C10orf90: variants seen among roughly 807,000 people sequenced by gnomAD.
The protein encoded by C10orf90 is chromosome 10 open reading frame 90, also known as (E2-independent) E3 ubiquitin-conjugating enzyme FATS.
In C10orf90, 56 loss-of-function variants were observed where a neutral mutation model predicts 62.5. The observed-to-expected ratio is 0.90, with a 90% CI of 0.72 to 1.12. The LOEUF is 1.12. Ranked by LOEUF, C10orf90 falls within the 50% of genes most tolerant of loss-of-function variation. The pLI is 0.00. For synonymous variants in C10orf90, 386 were observed against 340.4 expected (o/e 1.13, Z -1.47); for missense variants, 970 against 880.4 (o/e 1.10, Z -1.29).
intron 2 of C10orf90, among the ~76,000 whole-genome samples, chr10:126,579,070 TTA>T (rs762973666): frequency 9.8e-4 from 146 of 149,358 alleles, no homozygotes; most frequent in South Asian, 5.9e-3. Flanking sequence ...AAGTTTTTTT[TTA>T]AAAAAAAAAA....
chr10:126,666,301 C>T (rs897932611), intron 1 of C10orf90, among the ~76,000 whole-genome samples: 4 of 152,006 alleles, frequency 2.6e-5, no homozygotes, highest in Non-Finnish European at 4.4e-5. Flanking sequence ...CCAAACAAAT[C>T]GAAAAAATAA....
chr10:126,477,316 A>T (rs1309283496), intron 4 of C10orf90, among the ~76,000 whole-genome samples: 1 of 149,854 alleles, frequency 6.7e-6, no homozygotes, highest in African/African-American at 2.5e-5. Flanking sequence ...AGAACATGAA[A>T]AAAAAAAAAG....
At chr10:126,576,239 T>A (rs796094164) in intron 2 of C10orf90, among the ~76,000 whole-genome samples, 9 of 151,928 alleles carry the variant, frequency 5.9e-5, no homozygotes, top group African/African-American at 2.2e-4. Flanking sequence ...AAAAACCCAA[T>A]TTGATTTAAA....
In C10orf90 at chr10:126,453,574, C is replaced by T. The variant is rs567852291; in HGVS notation, c.2188+5466G>A. Among the ~76,000 whole-genome samples the T allele has an allele frequency of 1.8e-4, 28 of 152,230 alleles. No individual in the cohort carries two copies. Among genetic ancestry groups the T allele is most frequent in the Middle Eastern group, 3.4e-3 (1 of 294 alleles). ...AGCCATGGAAGAGGACCCGGACAGG[C>T]GTCCTCAGAGGGGGAAATGAGCTGA... is the stretch of plus-strand genomic sequence containing the variant. On this transcript the variant is annotated intron_variant, in intron 7 of 9. Transcript: ENST00000488181. The surrounding 1 kb of genome is among the most constrained non-coding windows in gnomAD (Gnocchi z 4.9).
chr10:126,494,907 C>G (rs1463199349), intron 4 of C10orf90, among the ~76,000 whole-genome samples: 2 of 152,232 alleles, frequency 1.3e-5, no homozygotes, highest in Admixed American at 6.5e-5. Context: ...GCCCTTCAGG[C>G]CCTCATAGGG....
chr10:126,545,416 C>A (rs1034219834), intron 2 of C10orf90, among the ~76,000 whole-genome samples: 3 of 152,062 alleles, frequency 2.0e-5, no homozygotes, highest in African/African-American at 7.2e-5. Context: ...CCTGCACTGT[C>A]TGGCCAAGTG....
chr10:126,562,598 C>A (rs1475251443), intron 2 of C10orf90, among the ~76,000 whole-genome samples: 1 of 152,208 alleles, frequency 6.6e-6, no homozygotes, highest in Non-Finnish European at 1.5e-5. Flanking sequence ...AATCTGCAGA[C>A]GCTCAATGAG....
chr10:126,590,523 A>AT (rs1244359996), intron 2 of C10orf90, among the ~76,000 whole-genome samples: 4 of 152,210 alleles, frequency 2.6e-5, no homozygotes, highest in Non-Finnish European at 4.4e-5. Context: ...AGAACTTAAT[A>AT]TTAAGAATCT....
chr10:126,428,870 G>T (rs12146325), intron 8 of C10orf90, among the ~76,000 whole-genome samples: 26,273 of 152,046 alleles, frequency 0.17, 2,506 homozygotes, highest in South Asian at 0.23. Flanking sequence ...TCTTTAATGG[G>T]ACGGTCTCCC....
At chr10:126,618,775 T>G (rs1845590106) in intron 2 of C10orf90, among the ~76,000 whole-genome samples, 1 of 152,220 alleles carries the variant, frequency 6.6e-6, no homozygotes, top group Admixed American at 6.5e-5. Flanking sequence ...CTTCCACTCC[T>G]CGTTCCCATC....
At chr10:126,665,052 G>A (rs1368473346) in intron 1 of C10orf90, among the ~76,000 whole-genome samples, 1 of 152,202 alleles carries the variant, frequency 6.6e-6, no homozygotes, top group Non-Finnish European at 1.5e-5. Context: ...AGGAGCCCCA[G>A]CACCCACCAG....
intron 2 of C10orf90, among the ~76,000 whole-genome samples, chr10:126,593,930 G>C (rs1391870937): frequency 6.6e-6 from 1 of 151,936 alleles, no homozygotes; most frequent in East Asian, 1.9e-4. Context: ...GGGCAGGAAA[G>C]ACTGAAGATG....
At chr10:126,509,593 A>T (rs1862973029) in intron 3 of C10orf90, among the ~76,000 whole-genome samples, 1 of 152,214 alleles carries the variant, frequency 6.6e-6, no homozygotes, top group Non-Finnish European at 1.5e-5. Flanking sequence ...GTCACGGTCA[A>T]ACTCTTTAAC....
chr10:126,438,482 C>T (rs1354524973), intron 7 of C10orf90, among the ~76,000 whole-genome samples: 1 of 151,966 alleles, frequency 6.6e-6, no homozygotes, highest in Non-Finnish European at 1.5e-5. Context: ...TTCTGTAGGA[C>T]TTATCAGTGC....
At chr10:126,502,845 T>C (rs1482425767) in intron 4 of C10orf90, 1 of 523,162 alleles carries the variant, frequency 1.9e-6, no homozygotes, top group Non-Finnish European at 3.9e-6. Context: ...CTGTAAGACA[T>C]GCATTTCAAT....
intron 2 of C10orf90, among the ~76,000 whole-genome samples, chr10:126,617,810 G>A (rs1256851105): frequency 6.6e-6 from 1 of 152,214 alleles, no homozygotes; most frequent in Non-Finnish European, 1.5e-5. Context: ...TCTCCCATGA[G>A]CTCTACCTCT....
Position 126,435,644 on chromosome 10 carries a change from C to T in C10orf90, c.2189-5794G>A, listed in dbSNP as rs976803500. Among the ~76,000 whole-genome samples, 3 of 152,186 alleles carry T rather than the reference C, an allele frequency of 2.0e-5. No individual in the cohort carries two copies. The East Asian group carries it at 5.8e-4, about 30-fold the overall frequency. On this transcript the variant is annotated intron_variant, in intron 7 of 9. Coordinates refer to ENST00000488181, the MANE Select transcript of C10orf90 (RefSeq NM_001350921.2). The stretch of plus-strand genomic sequence containing the variant: ...GCTTTGCTTCCCCAGCTGGAGGATC[C>T]CAGACCTCCAAGTCAACCATATCTA...
chr10:126,586,843 C>T (rs180969069), intron 2 of C10orf90, among the ~76,000 whole-genome samples: 109 of 152,202 alleles, frequency 7.2e-4, no homozygotes, highest in African/African-American at 2.4e-3. Context: ...TGTGACTCTC[C>T]ACTGCTCCCC....
intron 2 of C10orf90, among the ~76,000 whole-genome samples, chr10:126,607,212 G>T (rs1223335417): frequency 6.6e-6 from 1 of 152,156 alleles, no homozygotes; most frequent in African/African-American, 2.4e-5. Context: ...TCCTGAGGAA[G>T]CCAGGAAAAG....
Sources: allele counts gnomAD v4.1 joint callset (sites outside exome capture counted in the v4.1 genomes callset), GRCh38; gene constraint gnomAD v4.1.1; non-coding constraint Gnocchi (gnomAD v3.1); transcripts MANE v1.5; gene names NCBI Gene and HGNC (gene_info 2026-07-23, HGNC 2026-07-21).